Variants in POLA1 observed in about 807,000 individuals in gnomAD.
The protein encoded by POLA1 is DNA polymerase alpha catalytic subunit.
Under a neutral mutation model 124.0 loss-of-function variants are expected in POLA1, and 15 were observed. The observed-to-expected ratio is 0.12, with a 90% CI of 0.08 to 0.19. The LOEUF (loss-of-function observed/expected upper bound fraction) is 0.19, where lower values mean the gene tolerates loss of function less well. Ranked by LOEUF, POLA1 falls within the 10% of genes least tolerant of loss-of-function variation. POLA1 has a pLI of 1.00. For missense variants in POLA1, 886 were observed against 1,103.4 expected, an observed-to-expected ratio of 0.80 and a Z score of 2.79; for synonymous variants, 408 against 389.4, an observed-to-expected ratio of 1.05 and a Z score of -0.56.
chrX:24,797,992 G>A (rs1026341622), intron 26 of POLA1, among the ~76,000 whole-genome samples: 3 of 110,536 alleles, frequency 2.7e-5, no homozygotes, highest in Non-Finnish European at 3.8e-5. Flanking sequence ...AGGCTGCAGT[G>A]ACCCAAGATT....
chrX:24,925,793 C>T (rs1224045325), intron 35 of POLA1, among the ~76,000 whole-genome samples: 1 of 111,197 alleles, frequency 9.0e-6, no homozygotes, highest in Admixed American at 9.6e-5. Context: ...GCTCTGTTGC[C>T]CAGGCTGGAG....
At position 24,737,609 on chromosome X, in the gene POLA1, T is replaced by C; in HGVS notation, c.1924-16T>C. The C allele has an allele frequency of 1.6e-5, 13 of 820,313 alleles. No individual in the cohort carries two copies. Among genetic ancestry groups the C allele is most frequent in the Non-Finnish European group, 2.4e-5 (13 of 545,675 alleles). 67.6% of individuals were successfully genotyped at this position (820,313 alleles called of 1,213,427 possible). Reference sequence around the variant, plus strand: ...ATTTGTTATAACATTATCAGCTGCCTTCTTTTTCTGACTAGGGTCATAATA... The same window carrying C: ...ATTTGTTATAACATTATCAGCTGCCCTCTTTTTCTGACTAGGGTCATAATA... On this transcript the variant is annotated splice_polypyrimidine_tract_variant and intron_variant, in intron 18 of 36. Coordinates refer to ENST00000379068, the MANE Select transcript of POLA1 (RefSeq NM_001330360.2).
At chrX:24,980,766 G>C (rs1412736830) in intron 36 of POLA1, among the ~76,000 whole-genome samples, 1 of 111,074 alleles carries the variant, frequency 9.0e-6, no homozygotes, top group African/African-American at 3.3e-5. Flanking sequence ...GTGTTTATAA[G>C]TTTTGAAAGA....
chrX:24,942,025 A>G (rs1428550839), intron 36 of POLA1, among the ~76,000 whole-genome samples: 1 of 112,096 alleles, frequency 8.9e-6, no homozygotes, highest in East Asian at 2.8e-4. Flanking sequence ...ACCCTTGCCC[A>G]GTTTATTCAG....
At chrX:24,939,010 G>T (rs764301334) in intron 36 of POLA1, among the ~76,000 whole-genome samples, 1 of 112,199 alleles carries the variant, frequency 8.9e-6, no homozygotes, top group East Asian at 2.8e-4. Flanking sequence ...TGCACTCAAC[G>T]TTTGCACTTT....
chrX:24,793,391 T>TTTTG (rs769386648), intron 26 of POLA1, among the ~76,000 whole-genome samples: 1 of 110,403 alleles, frequency 9.1e-6, no homozygotes, highest in Admixed American at 9.7e-5. Context: ...AAACTGCTTT[T>TTTTG]TTTGTTTGTT....
At chrX:24,921,734 A>T (rs536256303) in intron 35 of POLA1, among the ~76,000 whole-genome samples, 1 of 111,957 alleles carries the variant, frequency 8.9e-6, no homozygotes, top group South Asian at 3.7e-4. Context: ...GATCAAATTA[A>T]AAGGTTAAGT....
chrX:24,819,014 A>G (rs1468660968), intron 30 of POLA1, among the ~76,000 whole-genome samples: 1 of 112,196 alleles, frequency 8.9e-6, no homozygotes, highest in Non-Finnish European at 1.9e-5. Context: ...CCAGACGTCT[A>G]CAGATGGTAT....
intron 35 of POLA1, among the ~76,000 whole-genome samples, chrX:24,894,607 C>T (rs1165210523): frequency 8.9e-6 from 1 of 111,775 alleles, no homozygotes; most frequent in Non-Finnish European, 1.9e-5. Flanking sequence ...CTTGTAGATA[C>T]ATCACTTCAA....
chrX:24,778,559 C>T (rs957441826), intron 26 of POLA1, among the ~76,000 whole-genome samples: 2 of 111,775 alleles, frequency 1.8e-5, no homozygotes, highest in Non-Finnish European at 3.8e-5. Context: ...GGATGGCCTA[C>T]CCTTATTTTC....
chrX:24,949,827 C>A (rs771763148), intron 36 of POLA1, among the ~76,000 whole-genome samples: 1 of 107,799 alleles, frequency 9.3e-6, no homozygotes, highest in Admixed American at 1.0e-4. Flanking sequence ...CTCCACCTCC[C>A]GGGTTCAAGC....
At chrX:24,885,149 T>G (rs989174266) in intron 34 of POLA1, among the ~76,000 whole-genome samples, 2 of 112,493 alleles carry the variant, frequency 1.8e-5, no homozygotes, top group South Asian at 3.7e-4. Context: ...ATTTTGGAAC[T>G]GAATAATTTC....
intron 35 of POLA1, among the ~76,000 whole-genome samples, chrX:24,926,230 A>G (rs749255934): frequency 1.8e-5 from 2 of 110,578 alleles, no homozygotes; most frequent in African/African-American, 6.6e-5. Context: ...AAAAATAGAA[A>G]GAAACCAAAT....
intron 26 of POLA1, among the ~76,000 whole-genome samples, chrX:24,805,969 T>C (rs949283732): frequency 8.3e-5 from 9 of 108,780 alleles, no homozygotes; most frequent in Non-Finnish European, 1.7e-4. Flanking sequence ...TGGCTATTTT[T>C]AAAATGTGTT....
intron 36 of POLA1, among the ~76,000 whole-genome samples, chrX:24,937,041 TACAA>T (rs1318334906): frequency 5.3e-5 from 6 of 112,285 alleles, no homozygotes; most frequent in African/African-American, 1.9e-4. Flanking sequence ...TTCATTTTCT[TACAA>T]ATAAAAAAAT....
intron 26 of POLA1, among the ~76,000 whole-genome samples, chrX:24,805,702 GA>G (rs1189752545): frequency 3.6e-5 from 4 of 111,376 alleles, no homozygotes; most frequent in Non-Finnish European, 7.5e-5. Context: ...AAATGTGCTT[GA>G]AAAAATTCCA....
chrX:24,924,274 T>A (rs1325562182), intron 35 of POLA1, among the ~76,000 whole-genome samples: 1 of 111,870 alleles, frequency 8.9e-6, no homozygotes, highest in African/African-American at 3.2e-5. Context: ...TTAACAACAT[T>A]CCTGAGACAC....
Position 24,732,441 on chromosome X carries a change from G to A in POLA1, c.1758G>A (p.Gln586=). The A allele has an allele frequency of 8.6e-7, 1 of 1,162,741 alleles. No individual in the cohort carries two copies. Among genetic ancestry groups the A allele is most frequent in the Non-Finnish European group, 1.2e-6 (1 of 851,382 alleles). ...AAGCAGCCCCAAAGCCTCCCTTTCA[G>A]TCACACTTCTGTGGTATGTATTTTT... is the stretch of plus-strand genomic sequence containing the variant. ...LDKAAPKPPF[Q]SHFCVVSKPK... is the part of the protein sequence containing the mutation. The change falls in exon 16 of 37, where the codon CAG becomes CAA. Residue 586 remains glutamine, a synonymous_variant. Transcript: ENST00000379068.
At chrX:24,733,919 C>A in intron 17 of POLA1, 103 bp downstream of exon 17, 1 of 446,212 alleles carries the variant, frequency 2.2e-6, no homozygotes, top group Non-Finnish European at 3.9e-6. Flanking sequence ...TTATTAGATT[C>A]ATTCCTGCCA....
Sources: allele counts gnomAD v4.1 joint callset (sites outside exome capture counted in the v4.1 genomes callset), GRCh38; gene constraint gnomAD v4.1.1; transcripts MANE v1.5; gene names NCBI Gene and HGNC (gene_info 2026-07-23, HGNC 2026-07-21).